The following BTG1 variants were observed in gnomAD, a reference collection of about 807,000 sequenced individuals.
BTG1 encodes the protein BTG anti-proliferation factor 1, also known as protein BTG1.
In BTG1, 2 loss-of-function variants were observed where a neutral mutation model predicts 15.2. The observed-to-expected ratio is 0.13, with a 90% CI of 0.05 to 0.41. The LOEUF is 0.41. BTG1 is among the 10% of genes least tolerant of loss of function. BTG1 has a pLI of 0.99. For synonymous variants in BTG1, 109 were observed against 82.4 expected, an observed-to-expected ratio of 1.32 and a Z score of -1.75; for missense variants, 149 against 215.0, an observed-to-expected ratio of 0.69 and a Z score of 1.92.
rs1382698749 is a variant in BTG1 at position 92,141,780 on chromosome 12, C to T, written c.*2300G>A. On this transcript the variant is annotated 3_prime_UTR_variant, in exon 2 of 2. Coordinates refer to ENST00000256015, the MANE Select transcript of BTG1 (RefSeq NM_001731.3). ...TATAAACAGCTCCTCACAAGCCAGACATCACCTGAATTCTAAAATAAACAT... is the reference window on the plus strand; with the variant it reads ...TATAAACAGCTCCTCACAAGCCAGATATCACCTGAATTCTAAAATAAACAT... 1 of 232,358 alleles carries T rather than the reference C, an allele frequency of 4.3e-6. No homozygotes were observed. Among genetic ancestry groups the T allele is most frequent in the Non-Finnish European group, 8.5e-6 (1 of 117,596 alleles). The allele number at this position is 232,358 out of a possible 1,614,324, so 14.4% of individuals were successfully genotyped here. A position where few individuals can be genotyped will look rare whatever the true frequency, so the allele number is the denominator to read the frequency against.
intron 1 of BTG1, 119 bp downstream of exon 1, chr12:92,145,269 C>T (rs544647110): frequency 1.5e-6 from 2 of 1,309,222 alleles, no homozygotes. Flanking sequence ...ACCGGTCCCG[C>T]GGCGGGGCCC....
intron 1 of BTG1, 75 bp downstream of exon 1, chr12:92,145,313 C>A (rs1870512443): frequency 7.3e-7 from 1 of 1,375,636 alleles, no homozygotes; most frequent in Non-Finnish European, 9.5e-7. Flanking sequence ...TGCCGAGGTT[C>A]CCGCAGCCCC....
At position 92,145,767 on chromosome 12, in the gene BTG1, C is replaced by G. The variant is rs75257247; in HGVS notation, c.-232G>C. On this transcript the variant is annotated 5_prime_UTR_variant, in exon 1 of 2. Coordinates refer to ENST00000256015, the MANE Select transcript of BTG1 (RefSeq NM_001731.3). ...GCGATGGCGGCCTGGTCACATCGCT[C>G]GGACCTCCCCAGCTGCCTCCGCCTC... is the stretch of plus-strand genomic sequence containing the variant. The G allele has an allele frequency of 1.0e-5, 3 of 287,812 alleles. No homozygotes were observed. Among genetic ancestry groups the G allele is most frequent in the East Asian group, 5.1e-5 (1 of 19,760 alleles). 17.8% of individuals were successfully genotyped at this position (287,812 alleles called of 1,614,324 possible).
In BTG1 at chr12:92,140,280, G is replaced by T. The variant is rs1431615555; in HGVS notation, c.*3800C>A. The T allele has an allele frequency of 5.2e-6, 1 of 191,432 alleles. No homozygotes were observed. The highest frequency in any genetic ancestry group is 2.3e-5 in the African/African-American group (1 of 42,926). The allele number at this position is 191,432 out of a possible 1,614,324, so 11.9% of individuals were successfully genotyped here. On this transcript the variant is annotated 3_prime_UTR_variant, in exon 2 of 2. Transcript: ENST00000256015. Reference sequence around the variant, plus strand: ...GGCTCATAAATAACAGTCAGAAGTTGAACTACATTTTTTTATTCCTATCTT... The same window carrying T: ...GGCTCATAAATAACAGTCAGAAGTTTAACTACATTTTTTTATTCCTATCTT...
chr12:92,145,312 T>C (rs1870512338), intron 1 of BTG1, 76 bp downstream of exon 1: 1 of 1,373,252 alleles, frequency 7.3e-7, no homozygotes, highest in Non-Finnish European at 9.5e-7. Context: ...CTGCCGAGGT[T>C]CCCGCAGCCC....
chr12:92,143,238 T>C lies in BTG1; in HGVS notation c.*842A>G, dbSNP rs1489565318. ...TCAATATACATGAACTGTACAAATT[T>C]ACACCAGTTCATAATTTACCAAATA... On this transcript the variant is annotated 3_prime_UTR_variant, in exon 2 of 2. Transcript: ENST00000256015. The C allele has an allele frequency of 4.3e-6, 1 of 232,932 alleles. No individual in the cohort carries two copies. The highest frequency in any genetic ancestry group is 8.5e-6 in the Non-Finnish European group (1 of 117,676). 14.4% of individuals were successfully genotyped at this position (232,932 alleles called of 1,614,324 possible).
Position 92,145,493 on chromosome 12 carries a change from T to C in BTG1, c.43A>G (p.Ile15Val). ...YTRAATMIGE[I>V]AAAVSFISKF... Reference sequence around the variant, plus strand: ...GAGATGAAGGACACGGCGGCGGCGATCTCGCCTATCATGGTGGCGGCCCGG... The same window carrying C: ...GAGATGAAGGACACGGCGGCGGCGACCTCGCCTATCATGGTGGCGGCCCGG... Residue 15 changes from isoleucine to valine, a missense_variant, in exon 1 of 2, where the codon ATC becomes GTC. Transcript: ENST00000256015. The C allele has an allele frequency of 6.3e-7, 1 of 1,585,628 alleles. No homozygotes were observed. Among genetic ancestry groups the C allele is most frequent in the East Asian group, 2.5e-5 (1 of 40,656 alleles).
rs1478221351 is a variant in BTG1 at position 92,142,109 on chromosome 12, T to C, written c.*1971A>G. 1 of 231,882 alleles carries C rather than the reference T, an allele frequency of 4.3e-6. No individual in the cohort carries two copies. The highest frequency in any genetic ancestry group is 8.5e-6 in the Non-Finnish European group (1 of 117,294). The allele number at this position is 231,882 out of a possible 1,614,324, so 14.4% of individuals were successfully genotyped here. ...CATAACAATTGGCAAGGGTAGTCCA[T>C]GTGTTGCGGGTCTACGAATTCTAAC... On this transcript the variant is annotated 3_prime_UTR_variant, in exon 2 of 2. Transcript: ENST00000256015.
In BTG1 at chr12:92,143,628, C is replaced by T. The variant is rs1870392972; in HGVS notation, c.*452G>A. The stretch of plus-strand genomic sequence containing the variant: ...GCTAGGTAAAAGTCTTGTAAAATTT[C>T]CAGTACTACCATGTTTAAAACGTTT... On this transcript the variant is annotated 3_prime_UTR_variant, in exon 2 of 2. Transcript: ENST00000256015. The T allele has an allele frequency of 1.2e-5, 3 of 243,258 alleles. No homozygotes were observed. The highest frequency in any genetic ancestry group is 2.4e-5 in the Non-Finnish European group (3 of 124,572). The allele number at this position is 243,258 out of a possible 1,614,324, so 15.1% of individuals were successfully genotyped here.
rs1435775896 is a variant in BTG1, at chr12:92,142,847, G to C, written c.*1233C>G. On this transcript the variant is annotated 3_prime_UTR_variant, in exon 2 of 2. Coordinates refer to ENST00000256015, the MANE Select transcript of BTG1 (RefSeq NM_001731.3). Reference sequence around the variant, plus strand: ...GGGAAGCAATGAAATGTAATCCTTTGAGTATCACATTTTTGGTAGATGCTA... The same window carrying C: ...GGGAAGCAATGAAATGTAATCCTTTCAGTATCACATTTTTGGTAGATGCTA... 1 of 233,018 alleles carries C rather than the reference G, an allele frequency of 4.3e-6. No individual in the cohort carries two copies. Among genetic ancestry groups the C allele is most frequent in the East Asian group, 6.1e-5 (1 of 16,512 alleles). 14.4% of individuals were successfully genotyped at this position (233,018 alleles called of 1,614,324 possible).
At position 92,140,594 on chromosome 12, in the gene BTG1, G is replaced by T. The variant is rs35666; in HGVS notation, c.*3486C>A. On this transcript the variant is annotated 3_prime_UTR_variant, in exon 2 of 2. Transcript: ENST00000256015. ...AGTCCCATATATTAAATGATTTAAG[G>T]ACTCAGTTAAGCAGCTGGGTCGGCT... The T allele has an allele frequency of 0.16, 36,415 of 231,492 alleles. 3,268 individuals carry two copies. Among genetic ancestry groups the T allele is most frequent in the African/African-American group, 0.26 (11,577 of 45,246 alleles). The allele number at this position is 231,492 out of a possible 1,614,324, so 14.3% of individuals were successfully genotyped here. A position where few individuals can be genotyped will look rare whatever the true frequency, so the allele number is the denominator to read the frequency against.
chr12:92,142,169 A>G lies in BTG1; in HGVS notation c.*1911T>C, dbSNP rs1870278106. 1 of 232,094 alleles carries G rather than the reference A, an allele frequency of 4.3e-6. No individual in the cohort carries two copies. The highest frequency in any genetic ancestry group is 2.2e-5 in the African/African-American group (1 of 45,284). The allele number at this position is 232,094 out of a possible 1,614,324, so 14.4% of individuals were successfully genotyped here. A position where few individuals can be genotyped will look rare whatever the true frequency, so the allele number is the denominator to read the frequency against. ...TGGTGTGCCAATAATATCCACAGAC[A>G]TTTGTACTCTAAATACCTGCATATT... On this transcript the variant is annotated 3_prime_UTR_variant, in exon 2 of 2. Coordinates refer to ENST00000256015, the MANE Select transcript of BTG1 (RefSeq NM_001731.3).
chr12:92,145,581 C>T lies in BTG1; in HGVS notation c.-46G>A, dbSNP rs1208429311. The stretch of plus-strand genomic sequence containing the variant: ...GCCCGGGGCGGCTGGGGCTCGGCGG[C>T]GCGGCCCCGACGGCGGAGCAGCCAC... On this transcript the variant is annotated 5_prime_UTR_variant, in exon 1 of 2. Transcript: ENST00000256015. The T allele has an allele frequency of 7.9e-7, 1 of 1,261,196 alleles. No individual in the cohort carries two copies. The highest frequency in any genetic ancestry group is 1.0e-6 in the Non-Finnish European group (1 of 997,596). 78.1% of individuals were successfully genotyped at this position (1,261,196 alleles called of 1,614,324 possible).
chr12:92,145,291 G>T, intron 1 of BTG1, 97 bp downstream of exon 1: 1 of 1,346,388 alleles, frequency 7.4e-7, no homozygotes, highest in East Asian at 3.0e-5. Flanking sequence ...AGCGCGACCG[G>T]CCCCGGGGCG....
At chr12:92,144,532 G>A (rs1728075315) in intron 1 of BTG1, 85 bp from the exon 2 acceptor site, 2 of 1,546,844 alleles carry the variant, frequency 1.3e-6, no homozygotes, top group Non-Finnish European at 1.7e-6. Context: ...GCTCCTTTGA[G>A]GAGCGAAAAT....
Position 92,144,183 on chromosome 12 carries a change from G to A in BTG1, c.413C>T (p.Thr138Ile). Residue 138 changes from threonine (T) to isoleucine (I), a missense_variant, in exon 2 of 2, where the codon ACC becomes ATC. Thr to Ile is a moderately conservative substitution (Grantham distance 89). Around this residue, in one of 3 missense-constraint regions of BTG1, gnomAD observed 52 missense variants for 57.4 expected, o/e 0.91. Transcript: ENST00000256015. The part of the protein sequence containing the change: ...SPAGGSTQNS[T>I]NVQMVDSRIS... ...TCGGCTGTCTACCATTTGCACGTTG[G>A]TGCTGTTTTGAGTGCTACCTCCTGC... 6.2e-7 allele frequency: 1 copy of A among 1,614,142 alleles called. No individual in the cohort carries two copies.
chr12:92,140,323 C>T lies in BTG1; in HGVS notation c.*3757G>A, dbSNP rs144218131. On this transcript the variant is annotated 3_prime_UTR_variant, in exon 2 of 2. Transcript: ENST00000256015. ...CCTATCTTGGACATACTGAGCAATA[C>T]GAAAAGTGATAAGCCAAGTTAAACC... is the stretch of plus-strand genomic sequence containing the variant. 35 of 203,888 alleles carry T rather than the reference C, an allele frequency of 1.7e-4. No homozygotes were observed. In the East Asian group the frequency reaches 1.7e-3, roughly 10 times the overall value. The allele number at this position is 203,888 out of a possible 1,614,324, so 12.6% of individuals were successfully genotyped here.
In BTG1 at chr12:92,142,598, TAA is replaced by T. The variant is rs2136946343; in HGVS notation, c.*1480_*1481del. On this transcript the variant is annotated 3_prime_UTR_variant, in exon 2 of 2. Coordinates refer to ENST00000256015, the MANE Select transcript of BTG1 (RefSeq NM_001731.3). ...TTCAACTTTTGAGAATAAAAGTTCA[TAA>T]ACATACCTTTTGTTGAATTCCAGCT... The T allele has an allele frequency of 4.3e-6, 1 of 232,976 alleles. No homozygotes were observed. The highest frequency in any genetic ancestry group is 2.2e-5 in the African/African-American group (1 of 45,466). The allele number at this position is 232,976 out of a possible 1,614,324, so 14.4% of individuals were successfully genotyped here.
In BTG1 at chr12:92,144,320, C is replaced by T. The variant is rs1295472704; in HGVS notation, c.276G>A (p.Gln92=). The change falls in exon 2 of 2, where the codon CAG becomes CAA. Residue 92 remains glutamine (Q), a synonymous_variant. Transcript: ENST00000256015. ...CACTTGGGAGAAGCCTGAACAGCTCCTGACTGCTCAGTCCAATCCGCTGTG... is the reference window on the plus strand; with the variant it reads ...CACTTGGGAGAAGCCTGAACAGCTCTTGACTGCTCAGTCCAATCCGCTGTG... ...QAAQRIGLSS[Q]ELFRLLPSEL... 1 of 1,614,250 alleles carries T rather than the reference C, an allele frequency of 6.2e-7. No homozygotes were observed. Among genetic ancestry groups the T allele is most frequent in the Non-Finnish European group, 8.5e-7 (1 of 1,180,036 alleles).
Sources: gnomAD v4.1 joint callset for allele counts on GRCh38, gnomAD v4.1.1 for gene constraint, gnomAD v4.1.1 regional missense constraint, MANE v1.5 for transcripts, NCBI Gene and HGNC (gene_info 2026-07-23, HGNC 2026-07-21) for gene names.